The following CDK14 variants were observed in gnomAD, a reference collection of about 807,000 sequenced individuals.
CDK14 encodes cyclin dependent kinase 14.
CDK14 carries 34 observed loss-of-function variants against 60.7 expected under a neutral mutation model. The ratio of observed to expected loss-of-function variants is 0.56; its 90% CI spans 0.43 to 0.75. The LOEUF (loss-of-function observed/expected upper bound fraction) is 0.75. Ranked by LOEUF, CDK14 falls within the 30% of genes least tolerant of loss-of-function variation. CDK14 has a pLI of 0.00. For missense variants in CDK14, 482 were observed against 564.1 expected (o/e 0.85, Z 1.47); for synonymous variants, 197 against 203.7 (o/e 0.97, Z 0.28).
chr7:90,818,053 T>A (rs1387525377), intron 5 of CDK14, among the ~76,000 whole-genome samples: 2 of 152,162 alleles, frequency 1.3e-5, no homozygotes, highest in African/African-American at 4.8e-5. Flanking sequence ...GAGGCAGGAT[T>A]ATAGAAGTTA....
At chr7:90,824,449 CA>C (rs1358746204) in intron 5 of CDK14, among the ~76,000 whole-genome samples, 8 of 152,178 alleles carry the variant, frequency 5.3e-5, no homozygotes, top group Admixed American at 1.3e-4. Flanking sequence ...GTTTTGGAAA[CA>C]GTTGCTCTCA....
intron 2 of CDK14, among the ~76,000 whole-genome samples, chr7:90,710,926 T>G (rs1802036673): frequency 6.6e-6 from 1 of 152,122 alleles, no homozygotes; most frequent in Non-Finnish European, 1.5e-5. Context: ...TTAATAACAT[T>G]ACTTAGTCCT....
intron 4 of CDK14, among the ~76,000 whole-genome samples, chr7:90,783,965 C>T (rs958815068): frequency 6.6e-6 from 1 of 152,104 alleles, no homozygotes; most frequent in Admixed American, 6.6e-5. Context: ...GGAAGAGATA[C>T]CTGCACCCCC....
intron 5 of CDK14, among the ~76,000 whole-genome samples, chr7:90,804,236 CT>C (rs1788745244): frequency 6.6e-6 from 1 of 152,062 alleles, no homozygotes; most frequent in Non-Finnish European, 1.5e-5. Context: ...CATATTTTGT[CT>C]TTAGTTTTTT....
chr7:90,724,707 T>A (rs1302278935), intron 2 of CDK14, among the ~76,000 whole-genome samples: 1 of 152,086 alleles, frequency 6.6e-6, no homozygotes, highest in African/African-American at 2.4e-5. Context: ...TTTTCTGTCA[T>A]CCTTATCTTT....
chr7:90,783,340 C>G (rs1805424755), intron 4 of CDK14, among the ~76,000 whole-genome samples: 1 of 152,030 alleles, frequency 6.6e-6, no homozygotes, highest in East Asian at 1.9e-4. Context: ...ATTAATGTGT[C>G]CATTTTTGCT....
At chr7:90,692,234 A>G (rs1801567949) in intron 2 of CDK14, among the ~76,000 whole-genome samples, 1 of 152,286 alleles carries the variant, frequency 6.6e-6, no homozygotes, top group East Asian at 1.9e-4. Context: ...CTGTAAGACA[A>G]GAGCGTATTT....
rs1213448080 is a variant in CDK14, at chr7:91,045,932, A to G, written c.1077A>G (p.Gly359=). The G allele has an allele frequency of 6.2e-7, 1 of 1,611,486 alleles. No individual in the cohort carries two copies. The highest frequency in any genetic ancestry group is 8.5e-7 in the Non-Finnish European group (1 of 1,177,722). ...LGTPNEDTWP[G]VHSLPHFKPE... is the part of the protein sequence containing the mutation. ...CACCAAATGAGGACACATGGCCTGG[A>G]GTTCATTCTTTACCACATTTTAAGC... Residue 359 remains glycine, a synonymous_variant, in exon 11 of 15, where the codon GGA becomes GGG. Coordinates refer to ENST00000380050, the MANE Select transcript of CDK14 (RefSeq NM_001287135.2).
At chr7:90,908,866 A>T (rs1334244516) in intron 7 of CDK14, among the ~76,000 whole-genome samples, 1 of 152,162 alleles carries the variant, frequency 6.6e-6, no homozygotes, top group Non-Finnish European at 1.5e-5. Flanking sequence ...TCTTTGGTAT[A>T]ACTTGTTTTT....
chr7:90,697,510 A>G (rs1233251055), intron 2 of CDK14, among the ~76,000 whole-genome samples: 1 of 152,146 alleles, frequency 6.6e-6, no homozygotes, highest in Non-Finnish European at 1.5e-5. Context: ...AAATCGTTTT[A>G]TAAAGCATCA....
At chr7:91,103,370 T>C (rs1302171165) in intron 12 of CDK14, among the ~76,000 whole-genome samples, 3 of 152,198 alleles carry the variant, frequency 2.0e-5, no homozygotes, top group Non-Finnish European at 2.9e-5. Flanking sequence ...CATTCCATCT[T>C]TTCAACTTTG....
At chr7:90,784,764 C>A (rs1404886630) in intron 4 of CDK14, among the ~76,000 whole-genome samples, 1 of 152,070 alleles carries the variant, frequency 6.6e-6, no homozygotes, top group African/African-American at 2.4e-5. Context: ...GAGATGACTT[C>A]TTATTCACAC....
intron 2 of CDK14, among the ~76,000 whole-genome samples, chr7:90,612,463 C>T (rs1370927602): frequency 6.6e-6 from 1 of 152,108 alleles, no homozygotes; most frequent in Non-Finnish European, 1.5e-5. Context: ...GATTCAATCT[C>T]ACTCTCTCTT....
At chr7:90,669,408 T>C (rs1801054292) in intron 2 of CDK14, among the ~76,000 whole-genome samples, 2 of 152,158 alleles carry the variant, frequency 1.3e-5, no homozygotes, top group Non-Finnish European at 2.9e-5. Context: ...ATTGCAGTGA[T>C]TTGGCCAATG....
intron 5 of CDK14, among the ~76,000 whole-genome samples, chr7:90,823,337 TC>T (rs1789615241): frequency 6.6e-6 from 1 of 152,352 alleles, no homozygotes; most frequent in African/African-American, 2.4e-5. Context: ...CGTTAAGTAT[TC>T]TAAATAGAAT....
At chr7:90,802,011 AGT>A (rs1584905548) in intron 5 of CDK14, among the ~76,000 whole-genome samples, 2 of 152,276 alleles carry the variant, frequency 1.3e-5, no homozygotes, top group East Asian at 3.9e-4. Flanking sequence ...AAGTTGAGAG[AGT>A]GGGCACAGAT....
Position 91,065,934 on chromosome 7 carries a change from A to G in CDK14, c.1106-13498A>G, listed in dbSNP as rs575210964. On this transcript the variant is annotated intron_variant, in intron 11 of 14. Coordinates refer to ENST00000380050, the MANE Select transcript of CDK14 (RefSeq NM_001287135.2). ...ACCAGAGTGATTTATGACAGTGTTA[A>G]TTGTTCATCCTTGTAAGGGACTGGA... Among the ~76,000 whole-genome samples the G allele has an allele frequency of 2.0e-5, 3 of 152,332 alleles. No homozygotes were observed. In the South Asian group the frequency reaches 6.2e-4, roughly 32 times the overall value.
intron 2 of CDK14, among the ~76,000 whole-genome samples, chr7:90,706,372 C>T (rs1801895534): frequency 6.6e-6 from 1 of 152,140 alleles, no homozygotes; most frequent in South Asian, 2.1e-4. Flanking sequence ...CATTTCCACT[C>T]TACATATGTC....
At chr7:90,767,534 C>T (rs1216729865) in intron 4 of CDK14, among the ~76,000 whole-genome samples, 1 of 152,120 alleles carries the variant, frequency 6.6e-6, no homozygotes, top group African/African-American at 2.4e-5. Flanking sequence ...ATAGAGCGCT[C>T]ACTGCTCACC....
Sources: gnomAD v4.1 joint callset for allele counts (sites outside exome capture counted in the v4.1 genomes callset) on GRCh38, gnomAD v4.1.1 for gene constraint, MANE v1.5 for transcripts, NCBI Gene and HGNC (gene_info 2026-07-23, HGNC 2026-07-21) for gene names.